Variants in DLGAP1 observed in about 807,000 individuals in gnomAD.
DLGAP1 encodes DLG associated protein 1, also known as disks large-associated protein 1.
In DLGAP1, 11 loss-of-function variants were observed where a neutral mutation model predicts 90.8. That is an observed-to-expected ratio of 0.12 (90% CI 0.08 to 0.20). The LOEUF (loss-of-function observed/expected upper bound fraction) is 0.20, where lower values mean the gene tolerates loss of function less well. Ranked by LOEUF, DLGAP1 falls within the 10% of genes least tolerant of loss-of-function variation. The pLI, the probability that DLGAP1 is intolerant of heterozygous loss-of-function variation, is 1.00. For synonymous variants in DLGAP1, 558 were observed against 540.7 expected (o/e 1.03, Z -0.44); for missense variants, 1,050 against 1,333.8 (o/e 0.79, Z 3.31).
chr18:3,635,132 ATTT>A (rs149375716), intron 7 of DLGAP1, among the ~76,000 whole-genome samples: 6 of 140,208 alleles, frequency 4.3e-5, no homozygotes, highest in Admixed American at 7.2e-5. Context: ...TGTCTGTCCC[ATTT>A]TTTTTTTTTT....
intron 9 of DLGAP1, among the ~76,000 whole-genome samples, chr18:3,538,118 G>A (rs1267686242): frequency 1.3e-5 from 2 of 152,052 alleles, no homozygotes; most frequent in African/African-American, 4.8e-5. Context: ...GAAAGACTAA[G>A]AGTCACAAAA....
At chr18:4,266,536 T>C (rs1057069967) in intron 1 of DLGAP1, among the ~76,000 whole-genome samples, 1 of 152,206 alleles carries the variant, frequency 6.6e-6, no homozygotes, top group Admixed American at 6.5e-5. Flanking sequence ...TATTTGTCTG[T>C]TCACTTTTTT....
rs149355170 is a variant in DLGAP1 at position 3,693,061 on chromosome 18, T to C, written c.1591+36074A>G. Among the ~76,000 whole-genome samples the C allele has an allele frequency of 1.1e-3, 166 of 152,354 alleles. 1 individual carries two copies. Among genetic ancestry groups the C allele is most frequent in the African/African-American group, 3.7e-3 (153 of 41,590 alleles). On this transcript the variant is annotated intron_variant, in intron 7 of 12. Coordinates refer to ENST00000315677, the MANE Select transcript of DLGAP1 (RefSeq NM_004746.4). ...AAGCCATTACATTTCTTTGCACTGC[T>C]AATGTCAAGGAACAAATGTGAGGCA...
chr18:3,720,281 C>A (rs2061925183), intron 7 of DLGAP1, among the ~76,000 whole-genome samples: 1 of 152,010 alleles, frequency 6.6e-6, no homozygotes, highest in African/African-American at 2.4e-5. Flanking sequence ...AAAGGTAAAA[C>A]AAAATAAAAA....
chr18:4,096,957 A>G (rs894610786), intron 2 of DLGAP1, among the ~76,000 whole-genome samples: 3 of 152,234 alleles, frequency 2.0e-5, no homozygotes, highest in African/African-American at 7.2e-5. Flanking sequence ...TCTGGCACAA[A>G]GTAAACATTG....
At chr18:3,949,730 T>C (rs995055689) in intron 3 of DLGAP1, among the ~76,000 whole-genome samples, 3 of 152,274 alleles carry the variant, frequency 2.0e-5, no homozygotes, top group African/African-American at 4.8e-5. Context: ...AGCAAAATAT[T>C]TGACACAAAC....
At chr18:3,522,851 C>T (rs890475666) in intron 10 of DLGAP1, among the ~76,000 whole-genome samples, 1 of 152,020 alleles carries the variant, frequency 6.6e-6, no homozygotes, top group Non-Finnish European at 1.5e-5. Flanking sequence ...CTGCAGTCAA[C>T]TAATTTTTGA....
chr18:4,126,065 C>T (rs767761175), intron 2 of DLGAP1, among the ~76,000 whole-genome samples: 1 of 152,210 alleles, frequency 6.6e-6, no homozygotes, highest in Non-Finnish European at 1.5e-5. Flanking sequence ...CACAGCTGGA[C>T]TCAGGCTCAT....
At chr18:3,806,255 C>A (rs1490732909) in intron 5 of DLGAP1, among the ~76,000 whole-genome samples, 2 of 152,196 alleles carry the variant, frequency 1.3e-5, no homozygotes, top group African/African-American at 4.8e-5. Flanking sequence ...AAACCACAAT[C>A]CTTTCTTATG....
chr18:4,040,786 G>A (rs1168959656), intron 2 of DLGAP1, among the ~76,000 whole-genome samples: 1 of 152,190 alleles, frequency 6.6e-6, no homozygotes, highest in African/African-American at 2.4e-5. Context: ...TCTCAAAGCA[G>A]GCTTGGGGTT....
chr18:4,160,166 C>A (rs943514575), intron 1 of DLGAP1, among the ~76,000 whole-genome samples: 1 of 152,310 alleles, frequency 6.6e-6, no homozygotes, highest in East Asian at 1.9e-4. Context: ...AGGTAGAATT[C>A]TTGGCTAAAA....
chr18:3,725,081 C>G (rs1305624442), intron 7 of DLGAP1, among the ~76,000 whole-genome samples: 1 of 152,218 alleles, frequency 6.6e-6, no homozygotes, highest in African/African-American at 2.4e-5. Context: ...CCATCTGCCT[C>G]TCCCCACCTA....
intron 7 of DLGAP1, among the ~76,000 whole-genome samples, chr18:3,673,274 T>C (rs2060164424): frequency 6.6e-6 from 1 of 152,150 alleles, no homozygotes; most frequent in Non-Finnish European, 1.5e-5. Context: ...CACAAACCTA[T>C]CCCTCTACTG....
At chr18:4,261,332 G>T (rs2078998516) in intron 1 of DLGAP1, among the ~76,000 whole-genome samples, 1 of 152,098 alleles carries the variant, frequency 6.6e-6, no homozygotes. Context: ...CAGTGACCTG[G>T]CTTCCCCCAT....
chr18:4,033,897 C>T, intron 2 of DLGAP1, among the ~76,000 whole-genome samples: 1 of 151,580 alleles, frequency 6.6e-6, no homozygotes, highest in Non-Finnish European at 1.5e-5. Flanking sequence ...TGCCACCATG[C>T]CTGGCTAATT....
intron 1 of DLGAP1, among the ~76,000 whole-genome samples, chr18:4,387,923 TCACACATACACACACACA>T (rs1464262411): frequency 9.5e-3 from 321 of 33,678 alleles, no homozygotes; most frequent in African/African-American, 0.015. Context: ...AGAGACTCCA[TCACACATACACACACACA>T]CACACACACA....
chr18:3,815,840 A>C lies in DLGAP1; in HGVS notation c.958-1567T>G, dbSNP rs557370584. 2.6e-5 allele frequency among the ~76,000 whole-genome samples: 4 copies of C among 152,314 alleles called. No individual in the cohort carries two copies. In the South Asian group the frequency reaches 6.2e-4, roughly 24 times the overall value. ...TACTATAGTGGACAGAGCACTGCAC[A>C]AGGCTTAAGTAAAAGAGACCAAAAA... On this transcript the variant is annotated intron_variant, in intron 4 of 12. Coordinates refer to ENST00000315677, the MANE Select transcript of DLGAP1 (RefSeq NM_004746.4).
intron 7 of DLGAP1, among the ~76,000 whole-genome samples, chr18:3,709,494 T>C (rs542969588): frequency 7.2e-5 from 11 of 152,328 alleles, no homozygotes; most frequent in Middle Eastern, 3.4e-3. Flanking sequence ...GAGTTGAAAG[T>C]AATTGCACAT....
At chr18:3,576,864 C>A (rs62084019) in intron 8 of DLGAP1, among the ~76,000 whole-genome samples, 3 of 147,272 alleles carry the variant, frequency 2.0e-5, no homozygotes, top group Non-Finnish European at 4.5e-5. Flanking sequence ...CTACGCCCGG[C>A]CTTTTTTTTT....
Sources: gnomAD v4.1 joint callset for allele counts (sites outside exome capture counted in the v4.1 genomes callset) on GRCh38, gnomAD v4.1.1 for gene constraint, MANE v1.5 for transcripts, NCBI Gene and HGNC (gene_info 2026-07-23, HGNC 2026-07-21) for gene names.